TENM4: variants seen among roughly 807,000 people sequenced by gnomAD.
TENM4 encodes the protein teneurin-4.
A neutral mutation model predicts 243.3 loss-of-function variants in TENM4; 82 were observed. The ratio of observed to expected loss-of-function variants is 0.34; its 90% CI spans 0.28 to 0.40. The LOEUF (loss-of-function observed/expected upper bound fraction) is 0.40. TENM4 is among the 10% of genes least tolerant of loss of function. The pLI, the probability that TENM4 is intolerant of heterozygous loss-of-function variation, is 1.00. For synonymous variants in TENM4, 1,412 were observed against 1,456.3 expected (o/e 0.97, Z 0.69); for missense variants, 3,138 against 3,673.3 (o/e 0.85, Z 3.77).
chr11:78,833,783 T>C (rs1282803606), intron 12 of TENM4, among the ~76,000 whole-genome samples: 1 of 152,170 alleles, frequency 6.6e-6, no homozygotes, highest in Non-Finnish European at 1.5e-5. Flanking sequence ...ATGGCTGACG[T>C]TATCTTTCTT....
chr11:79,147,123 C>T (rs1007735589), intron 4 of TENM4, among the ~76,000 whole-genome samples: 1 of 152,142 alleles, frequency 6.6e-6, no homozygotes, highest in African/African-American at 2.4e-5. Context: ...TGAGTTCCCC[C>T]CTTTCTTCTG....
chr11:78,989,896 G>T (rs1857999732), intron 6 of TENM4, among the ~76,000 whole-genome samples: 1 of 149,982 alleles, frequency 6.7e-6, no homozygotes, highest in Admixed American at 6.7e-5. Flanking sequence ...TCTACTAAAA[G>T]AAAAAAAAAT....
intron 3 of TENM4, among the ~76,000 whole-genome samples, chr11:79,188,279 C>T (rs1266698519): frequency 2.0e-5 from 3 of 152,132 alleles, no homozygotes; most frequent in Non-Finnish European, 4.4e-5. Flanking sequence ...GTGGGAGATC[C>T]AAGTCTAGAA....
chr11:79,128,203 G>A (rs1861922495), intron 4 of TENM4, among the ~76,000 whole-genome samples: 1 of 152,228 alleles, frequency 6.6e-6, no homozygotes, highest in African/African-American at 2.4e-5. Context: ...TAGGATTTTA[G>A]AGCAAAGCCC....
At chr11:78,954,850 G>C (rs575004746) in intron 6 of TENM4, among the ~76,000 whole-genome samples, 1 of 152,240 alleles carries the variant, frequency 6.6e-6, no homozygotes, top group Non-Finnish European at 1.5e-5. Flanking sequence ...AATATGGTTT[G>C]GGAAATGCTG....
chr11:78,958,040 C>T (rs2136518181), intron 6 of TENM4, among the ~76,000 whole-genome samples: 1 of 152,336 alleles, frequency 6.6e-6, no homozygotes, highest in East Asian at 1.9e-4. Context: ...TTTTCCATGC[C>T]CTTATGACCA....
intron 10 of TENM4, among the ~76,000 whole-genome samples, chr11:78,862,205 C>T (rs188344049): frequency 1.2e-3 from 185 of 152,222 alleles, no homozygotes; most frequent in Non-Finnish European, 2.3e-3. Context: ...ATGGAGATAG[C>T]GAGAGCCCTG....
At chr11:78,955,439 G>A (rs982846062) in intron 6 of TENM4, among the ~76,000 whole-genome samples, 7 of 152,218 alleles carry the variant, frequency 4.6e-5, no homozygotes, top group African/African-American at 1.7e-4. Flanking sequence ...GATCCATGGA[G>A]CAGACCATGA....
intron 4 of TENM4, among the ~76,000 whole-genome samples, chr11:79,104,257 A>T (rs2137085874): frequency 6.6e-6 from 1 of 152,318 alleles, no homozygotes; most frequent in South Asian, 2.1e-4. Flanking sequence ...AAAAGCAAGG[A>T]TTTTGTCTCA....
chr11:78,732,367 C>T lies in TENM4; in HGVS notation c.3087G>A (p.Thr1029=), dbSNP rs61743190. 284 of 1,613,768 alleles carry T rather than the reference C, an allele frequency of 1.8e-4. No homozygotes were observed. The African/African-American group carries it at 2.7e-3, about 16-fold the overall frequency. The change falls in exon 21 of 34, where the codon ACG becomes ACA. Residue 1029 remains threonine, a synonymous_variant. Transcript: ENST00000278550. The part of the protein sequence containing the change: ...PNPVVSPSPL[T]SFASSCAEKG... The stretch of plus-strand genomic sequence containing the variant: ...TCTCTGCACAGGAGCTGGCGAAGGA[C>T]GTCAGTGGGGATGGAGAGACGACTG...
Position 79,438,348 on chromosome 11 carries a change from C to G in TENM4, c.-321+2161G>C, listed in dbSNP as rs1035426738. On this transcript the variant is annotated intron_variant, in intron 1 of 33. Coordinates refer to ENST00000278550, the MANE Select transcript of TENM4 (RefSeq NM_001098816.3). This position sits in a 1 kb window ranked among gnomAD's most constrained non-coding sequence, Gnocchi z 4.1. The stretch of plus-strand genomic sequence containing the variant: ...GCGGCGCTGGAGGGAAGCGGCGAAA[C>G]GGGGAGAATAAACGCAACAGAAGCA... Among the ~76,000 whole-genome samples the G allele has an allele frequency of 6.6e-6, 1 of 152,152 alleles. No homozygotes were observed. The highest frequency in any genetic ancestry group is 2.4e-5 in the African/African-American group (1 of 41,430).
chr11:79,314,561 C>T (rs1190366757), intron 1 of TENM4, among the ~76,000 whole-genome samples: 3 of 152,186 alleles, frequency 2.0e-5, no homozygotes, highest in African/African-American at 4.8e-5. Flanking sequence ...TGTGAGTACT[C>T]GTGGTTACAC....
At chr11:78,961,547 A>T (rs1857321260) in intron 6 of TENM4, among the ~76,000 whole-genome samples, 1 of 152,220 alleles carries the variant, frequency 6.6e-6, no homozygotes, top group Admixed American at 6.5e-5. Context: ...CTCTCTCTGC[A>T]GCCGGCATTT....
chr11:79,337,474 T>C (rs1857165881), intron 1 of TENM4, among the ~76,000 whole-genome samples: 1 of 152,176 alleles, frequency 6.6e-6, no homozygotes. Flanking sequence ...AGGTTCTTCC[T>C]TTGAGGATTT....
chr11:79,271,473 T>C (rs1417768489), intron 2 of TENM4, among the ~76,000 whole-genome samples: 1 of 152,198 alleles, frequency 6.6e-6, no homozygotes, highest in African/African-American at 2.4e-5. Context: ...CCCTCCATGA[T>C]GGGGCTGAAT....
intron 9 of TENM4, among the ~76,000 whole-genome samples, chr11:78,884,394 C>T (rs1278506468): frequency 2.6e-5 from 4 of 152,168 alleles, no homozygotes; most frequent in African/African-American, 4.8e-5. Flanking sequence ...AAGTTTACAC[C>T]GTCAGCAAGT....
intron 4 of TENM4, among the ~76,000 whole-genome samples, chr11:79,129,083 C>A (rs909741673): frequency 6.6e-6 from 1 of 152,162 alleles, no homozygotes. Flanking sequence ...AGCCTCCTCT[C>A]CTGAACACAT....
intron 29 of TENM4, among the ~76,000 whole-genome samples, chr11:78,677,706 T>C (rs1448123682): frequency 6.6e-6 from 1 of 151,706 alleles, no homozygotes; most frequent in African/African-American, 2.4e-5. Flanking sequence ...CACAGGCATA[T>C]GACAATGATT....
At chr11:79,320,551 C>T (rs1856871372) in intron 1 of TENM4, among the ~76,000 whole-genome samples, 1 of 152,126 alleles carries the variant, frequency 6.6e-6, no homozygotes, top group Non-Finnish European at 1.5e-5. Flanking sequence ...TAAACTAAGT[C>T]TCAGGAAAGT....
Sources: gnomAD v4.1 joint callset for allele counts (sites outside exome capture counted in the v4.1 genomes callset) on GRCh38, gnomAD v4.1.1 for gene constraint, Gnocchi (gnomAD v3.1) non-coding constraint, MANE v1.5 for transcripts, NCBI Gene and HGNC (gene_info 2026-07-23, HGNC 2026-07-21) for gene names.